TBC1D5: variants seen among roughly 807,000 people sequenced by gnomAD.
TBC1D5 encodes the protein TBC1 domain family member 5, also known as TBC1 domain family, member 5.
TBC1D5 carries 75 observed loss-of-function variants against 100.3 expected under a neutral mutation model. That is an observed-to-expected ratio of 0.75 (90% confidence interval 0.62 to 0.91). TBC1D5 has a LOEUF of 0.91. Ranked by LOEUF, TBC1D5 falls within the 40% of genes least tolerant of loss-of-function variation. The pLI, the probability that TBC1D5 is intolerant of heterozygous loss-of-function variation, is 0.00. For missense variants in TBC1D5, 910 were observed against 942.4 expected, an observed-to-expected ratio of 0.97 and a Z score of 0.45; for synonymous variants, 323 against 325.6, an observed-to-expected ratio of 0.99 and a Z score of 0.09.
At chr3:17,349,576 C>G (rs1467857031) in intron 13 of TBC1D5, among the ~76,000 whole-genome samples, 1 of 152,132 alleles carries the variant, frequency 6.6e-6, no homozygotes, top group African/African-American at 2.4e-5. Context: ...CAACATTGTT[C>G]TGTTTGACTG....
chr3:17,691,835 A>AG (rs1381204835), intron 1 of TBC1D5, among the ~76,000 whole-genome samples: 1 of 151,930 alleles, frequency 6.6e-6, no homozygotes, highest in African/African-American at 2.4e-5. Flanking sequence ...ACAAAAAAAA[A>AG]AAAAAGAAAG....
chr3:17,356,082 T>C (rs1297013833), intron 13 of TBC1D5, among the ~76,000 whole-genome samples: 1 of 152,168 alleles, frequency 6.6e-6, no homozygotes, highest in Non-Finnish European at 1.5e-5. Context: ...TCATTGTTGG[T>C]TAAAATTTTT....
chr3:17,580,153 T>C (rs2096684461), intron 2 of TBC1D5, among the ~76,000 whole-genome samples: 2 of 152,170 alleles, frequency 1.3e-5, no homozygotes, highest in African/African-American at 2.4e-5. Flanking sequence ...TTGATGGCCC[T>C]GTTTCTACTA....
chr3:17,326,074 T>C (rs374243247), intron 13 of TBC1D5, among the ~76,000 whole-genome samples: 47 of 152,274 alleles, frequency 3.1e-4, no homozygotes, highest in African/African-American at 1.0e-3. Flanking sequence ...GAACGTAGTA[T>C]GTAAGGAAGA....
intron 3 of TBC1D5, among the ~76,000 whole-genome samples, chr3:17,483,775 T>C (rs541580621): frequency 3.0e-4 from 45 of 152,330 alleles, no homozygotes; most frequent in African/African-American, 9.9e-4. Flanking sequence ...ACTTGTGATG[T>C]TAATTTTAAC....
intron 1 of TBC1D5, among the ~76,000 whole-genome samples, chr3:17,708,929 G>A (rs758243767): frequency 6.6e-6 from 1 of 152,036 alleles, no homozygotes; most frequent in African/African-American, 2.4e-5. Flanking sequence ...AAGAATAACA[G>A]GTACATATGC....
At chr3:17,304,889 TA>T (rs5846957) in intron 14 of TBC1D5, among the ~76,000 whole-genome samples, 76,111 of 151,958 alleles carry the variant, frequency 0.5, 20,580 homozygotes, top group African/African-American at 0.68. Flanking sequence ...TCTTCTTCCT[TA>T]ACTCAAAGAT....
chr3:17,515,941 A>AT (rs754205198), intron 2 of TBC1D5, among the ~76,000 whole-genome samples: 15 of 152,322 alleles, frequency 9.8e-5, no homozygotes, highest in Non-Finnish European at 2.1e-4. Flanking sequence ...GTAGTTGGGG[A>AT]TTTTAAATCA....
At chr3:17,213,361 C>G (rs1054258023) in intron 18 of TBC1D5, among the ~76,000 whole-genome samples, 1 of 152,156 alleles carries the variant, frequency 6.6e-6, no homozygotes, top group African/African-American at 2.4e-5. Context: ...CTATGCATGG[C>G]TGTTATAAAA....
rs550450743 is a variant in TBC1D5, at chr3:17,417,779, A to G, written c.167+10671T>C. Reference sequence around the variant, plus strand: ...GAGGAATCGCCACACTGACTTCCACAATGGTTGAACTAGTTTACAGTCCCA... The same window carrying G: ...GAGGAATCGCCACACTGACTTCCACGATGGTTGAACTAGTTTACAGTCCCA... On this transcript the variant is annotated intron_variant, in intron 4 of 21. Coordinates refer to ENST00000253692, the Ensembl canonical transcript of TBC1D5. 1.7e-3 allele frequency among the ~76,000 whole-genome samples: 253 copies of G among 152,258 alleles called. 1 individual carries two copies. Among genetic ancestry groups the G allele is most frequent in the Admixed American group, 3.8e-3 (58 of 15,292 alleles).
At chr3:17,216,462 C>G (rs767840518) in intron 17 of TBC1D5, among the ~76,000 whole-genome samples, 3 of 152,066 alleles carry the variant, frequency 2.0e-5, no homozygotes, top group Non-Finnish European at 4.4e-5. Context: ...TGTTATTCCC[C>G]CAATAAACTT....
At position 17,174,270 on chromosome 3, in the gene TBC1D5, C is replaced by T. The variant is rs117436437; in HGVS notation, c.1853-6442G>A. ...TGTTTCCTGAAACTGCACTGTTCTACCTGGCACCAAAGGTGCCAGGTTCTA... is the reference window on the plus strand; with the variant it reads ...TGTTTCCTGAAACTGCACTGTTCTATCTGGCACCAAAGGTGCCAGGTTCTA... On this transcript the variant is annotated intron_variant, in intron 19 of 21. Coordinates refer to ENST00000253692, the Ensembl canonical transcript of TBC1D5. Among the ~76,000 whole-genome samples, 196 of 152,030 alleles carry T rather than the reference C, an allele frequency of 1.3e-3. 3 individuals are homozygous for T. In the South Asian group the frequency reaches 0.026, roughly 20 times the overall value.
intron 1 of TBC1D5, among the ~76,000 whole-genome samples, chr3:17,645,366 T>C (rs2064921999): frequency 6.6e-6 from 1 of 152,062 alleles, no homozygotes; most frequent in East Asian, 1.9e-4. Context: ...ACGGAATTTG[T>C]TAAAGGAAGT....
chr3:17,510,280 T>C (rs140383955), intron 2 of TBC1D5, among the ~76,000 whole-genome samples: 1 of 152,090 alleles, frequency 6.6e-6, no homozygotes, highest in East Asian at 1.9e-4. Flanking sequence ...TGTAAAACCA[T>C]CACCTAGTAA....
intron 15 of TBC1D5, among the ~76,000 whole-genome samples, chr3:17,269,969 T>A (rs2079225499): frequency 6.6e-6 from 1 of 152,164 alleles, no homozygotes; most frequent in East Asian, 1.9e-4. Flanking sequence ...CATGTATGTA[T>A]CTTTTACTTA....
intron 1 of TBC1D5, among the ~76,000 whole-genome samples, chr3:17,697,237 G>A (rs1469841249): frequency 6.6e-6 from 1 of 152,216 alleles, no homozygotes; most frequent in Non-Finnish European, 1.5e-5. Context: ...TCAACATAGG[G>A]TTGGAAGTTC....
chr3:17,489,336 C>T (rs1460825013), intron 3 of TBC1D5, among the ~76,000 whole-genome samples: 1 of 152,086 alleles, frequency 6.6e-6, no homozygotes, highest in East Asian at 1.9e-4. Context: ...ATCTGGTAGC[C>T]TGACCTCAGA....
chr3:17,503,878 G>A (rs2095813174), intron 3 of TBC1D5, among the ~76,000 whole-genome samples: 1 of 149,424 alleles, frequency 6.7e-6, no homozygotes, highest in Non-Finnish European at 1.5e-5. Flanking sequence ...ATCATAACTT[G>A]ACATTTATTT....
intron 13 of TBC1D5, among the ~76,000 whole-genome samples, chr3:17,356,143 G>A (rs1216033426): frequency 1.3e-5 from 2 of 152,088 alleles, no homozygotes; most frequent in African/African-American, 4.8e-5. Context: ...ATTTTCAAAG[G>A]TGTGTAACTT....
Sources: gnomAD v4.1 joint callset for allele counts (sites outside exome capture counted in the v4.1 genomes callset) on GRCh38, gnomAD v4.1.1 for gene constraint, MANE v1.5 for transcripts, NCBI Gene and HGNC (gene_info 2026-07-23, HGNC 2026-07-21) for gene names.